Variants in ATP9B observed in about 807,000 individuals in gnomAD.
ATP9B encodes probable phospholipid-transporting ATPase IIB.
A neutral mutation model predicts 146.1 loss-of-function variants in ATP9B; 110 were observed. The ratio of observed to expected loss-of-function variants is 0.75; its 90% confidence interval spans 0.65 to 0.88. ATP9B has a LOEUF of 0.88. Ranked by LOEUF, ATP9B falls within the 40% of genes least tolerant of loss-of-function variation. The pLI is 0.00. For synonymous variants in ATP9B, 604 were observed against 569.7 expected (o/e 1.06, Z -0.86); for missense variants, 1,499 against 1,496.4 (o/e 1.00, Z -0.03).
intron 5 of ATP9B, among the ~76,000 whole-genome samples, chr18:79,129,938 C>T (rs1942309): frequency 0.25 from 37,980 of 151,974 alleles, 5,076 homozygotes; most frequent in East Asian, 0.5. Flanking sequence ...GATGGGGTTT[C>T]GCCATGTTGG....
At chr18:79,236,244 A>T (rs1465910058) in intron 11 of ATP9B, among the ~76,000 whole-genome samples, 3 of 152,262 alleles carry the variant, frequency 2.0e-5, no homozygotes, top group East Asian at 3.9e-4. Flanking sequence ...TGGATGAATT[A>T]TGAGGTTTGT....
intron 3 of ATP9B, among the ~76,000 whole-genome samples, chr18:79,111,730 G>C (rs928243298): frequency 6.6e-6 from 1 of 152,188 alleles, no homozygotes. Context: ...TTTGATCAGT[G>C]TAAGTCCACA....
chr18:79,300,425 A>G (rs2096582928), intron 13 of ATP9B, among the ~76,000 whole-genome samples: 1 of 152,162 alleles, frequency 6.6e-6, no homozygotes, highest in Admixed American at 6.5e-5. Context: ...AGGTATCCAT[A>G]GGGAGAGGCC....
intron 11 of ATP9B, among the ~76,000 whole-genome samples, chr18:79,238,679 G>T (rs2095863846): frequency 2.0e-5 from 3 of 152,172 alleles, no homozygotes; most frequent in Non-Finnish European, 4.4e-5. Flanking sequence ...CCTGTCCTGG[G>T]CCCTGGATTT....
At chr18:79,327,477 G>A (rs965461410) in intron 15 of ATP9B, among the ~76,000 whole-genome samples, 4 of 150,194 alleles carry the variant, frequency 2.7e-5, no homozygotes, top group Admixed American at 6.6e-5. Flanking sequence ...GTTCTCCGTG[G>A]TTAGCGTGCT....
At chr18:79,320,366 C>A (rs1316070527) in intron 15 of ATP9B, among the ~76,000 whole-genome samples, 2 of 152,088 alleles carry the variant, frequency 1.3e-5, no homozygotes, top group Non-Finnish European at 2.9e-5. Context: ...AGGTGGTCAG[C>A]AGGGCCTTTT....
chr18:79,077,812 A>T (rs983135060), intron 1 of ATP9B, among the ~76,000 whole-genome samples: 1 of 152,150 alleles, frequency 6.6e-6, no homozygotes, highest in African/African-American at 2.4e-5. Context: ...GAAATGCCCA[A>T]TCTGTATTTT....
chr18:79,267,190 A>G (rs1450531009), intron 12 of ATP9B, among the ~76,000 whole-genome samples: 1 of 152,070 alleles, frequency 6.6e-6, no homozygotes, highest in East Asian at 1.9e-4. Context: ...TTAAATTTTC[A>G]GTTTTATTTA....
intron 7 of ATP9B, among the ~76,000 whole-genome samples, chr18:79,162,591 G>A (rs2094899831): frequency 1.3e-5 from 2 of 152,134 alleles, no homozygotes; most frequent in South Asian, 2.1e-4. Context: ...TTAGTGGGAC[G>A]GGGTGGTGGT....
chr18:79,077,773 CTACTT>C (rs968221664), intron 1 of ATP9B, among the ~76,000 whole-genome samples: 1 of 152,204 alleles, frequency 6.6e-6, no homozygotes, highest in Non-Finnish European at 1.5e-5. Context: ...AGAGTCCTCT[CTACTT>C]TACCCTGTAA....
chr18:79,269,247 G>C (rs191870916), intron 12 of ATP9B, among the ~76,000 whole-genome samples: 1 of 152,124 alleles, frequency 6.6e-6, no homozygotes, highest in Admixed American at 6.5e-5. Flanking sequence ...CACTGTCCTC[G>C]CCACACCTTT....
chr18:79,171,652 T>C (rs1410611316), intron 7 of ATP9B, among the ~76,000 whole-genome samples: 1 of 152,060 alleles, frequency 6.6e-6, no homozygotes, highest in Non-Finnish European at 1.5e-5. Flanking sequence ...AAGGCTGTGT[T>C]ATTTCATCTT....
intron 25 of ATP9B, among the ~76,000 whole-genome samples, chr18:79,349,893 CA>C (rs112953871): frequency 4.8e-3 from 449 of 93,082 alleles, no homozygotes; most frequent in East Asian, 9.1e-3. Flanking sequence ...GGAGGCCCCG[CA>C]CCCCCCCCCC....
chr18:79,293,952 G>A (rs761003616), intron 13 of ATP9B, among the ~76,000 whole-genome samples: 19 of 152,080 alleles, frequency 1.2e-4, no homozygotes, highest in Non-Finnish European at 1.6e-4. Flanking sequence ...AGGGGTCTTT[G>A]TGTACATGTA....
At chr18:79,323,548 G>A (rs2096727775) in intron 15 of ATP9B, among the ~76,000 whole-genome samples, 1 of 152,146 alleles carries the variant, frequency 6.6e-6, no homozygotes, top group Admixed American at 6.5e-5. Flanking sequence ...ATAAGAATGA[G>A]AAGACCCAGT....
intron 1 of ATP9B, among the ~76,000 whole-genome samples, chr18:79,074,490 T>G (rs551753452): frequency 4.6e-5 from 7 of 152,338 alleles, no homozygotes; most frequent in African/African-American, 1.7e-4. Context: ...GGGCCCCTTA[T>G]GTGGTGGGGT....
chr18:79,344,331 G>A lies in ATP9B; in HGVS notation c.2449G>A (p.Val817Ile). The part of the protein sequence containing the change: ...AFRRKHDCAL[V>I]ISGDSLEVCL... ...TCGAAGGAAGCATGATTGTGCACTA[G>A]TCATATCTGGGGACTCTCTGGAGGT... is the stretch of plus-strand genomic sequence containing the variant. Residue 817 changes from valine to isoleucine, a missense_variant, in exon 21 of 30, where the codon GTC (valine) becomes ATC (isoleucine). Transcript: ENST00000426216. 1.2e-6 allele frequency: 2 copies of A among 1,614,210 alleles called. No homozygotes were observed. The highest frequency in any genetic ancestry group is 1.7e-6 in the Non-Finnish European group (2 of 1,180,034).
intron 12 of ATP9B, 114 bp downstream of exon 12, chr18:79,253,655 G>A (rs2145094102): frequency 4.3e-6 from 5 of 1,160,488 alleles, no homozygotes; most frequent in East Asian, 2.6e-5. Flanking sequence ...AGAAGTAGGA[G>A]CCAGAAGTTC....
chr18:79,159,946 G>T (rs1435122754), intron 7 of ATP9B, among the ~76,000 whole-genome samples: 2 of 152,150 alleles, frequency 1.3e-5, no homozygotes, highest in Non-Finnish European at 2.9e-5. Context: ...TGGGAGGTAG[G>T]TGGCACACTC....
Sources: gnomAD v4.1 joint callset for allele counts (sites outside exome capture counted in the v4.1 genomes callset) on GRCh38, gnomAD v4.1.1 for gene constraint, MANE v1.5 for transcripts, NCBI Gene and HGNC (gene_info 2026-07-23, HGNC 2026-07-21) for gene names.